DOCK1: variants seen among roughly 807,000 people sequenced by gnomAD.
DOCK1 encodes the protein dedicator of cytokinesis 1, also known as dedicator of cytokinesis protein 1.
In DOCK1, 138 loss-of-function variants were observed where a neutral mutation model predicts 262.7. The observed-to-expected ratio is 0.53, with a 90% CI of 0.46 to 0.61. The LOEUF is 0.61. DOCK1 is among the 20% of genes least tolerant of loss of function. DOCK1 has a pLI of 0.00. For missense variants in DOCK1, 1,908 were observed against 2,370.7 expected, an observed-to-expected ratio of 0.80 and a Z score of 4.05; for synonymous variants, 866 against 867.4, an observed-to-expected ratio of 1.00 and a Z score of 0.03.
chr10:127,043,200 T>G (rs1183371056), intron 21 of DOCK1, 36 bp downstream of exon 21: 2 of 1,467,072 alleles, frequency 1.4e-6, no homozygotes, highest in Non-Finnish European at 1.9e-6. Flanking sequence ...CAATACTTCT[T>G]TTTTTGGTAT....
intron 29 of DOCK1, among the ~76,000 whole-genome samples, chr10:127,274,326 T>C (rs2060669404): frequency 6.6e-6 from 1 of 152,194 alleles, no homozygotes; most frequent in Non-Finnish European, 1.5e-5. Context: ...GAACAAAGGC[T>C]GGGCTTACGG....
chr10:127,042,996 T>C, intron 20 of DOCK1, 68 bp from the exon 21 acceptor site: 1 of 1,264,064 alleles, frequency 7.9e-7, no homozygotes, highest in Non-Finnish European at 1.1e-6. Flanking sequence ...GTGCAGATGG[T>C]TCTGATGAAG....
At chr10:127,432,842 G>A (rs547937599) in intron 47 of DOCK1, among the ~76,000 whole-genome samples, 1 of 152,110 alleles carries the variant, frequency 6.6e-6, no homozygotes, top group South Asian at 2.1e-4. Flanking sequence ...GTCTAGAGGA[G>A]GTCAGTCATT....
intron 1 of DOCK1, among the ~76,000 whole-genome samples, chr10:126,915,132 C>T (rs12414256): frequency 0.33 from 49,934 of 151,876 alleles, 9,668 homozygotes; most frequent in African/African-American, 0.54. Flanking sequence ...GTCTCCTCCA[C>T]GTGTTCCTAT....
chr10:127,046,632 G>A (rs1003815624), intron 21 of DOCK1, among the ~76,000 whole-genome samples: 1 of 151,756 alleles, frequency 6.6e-6, no homozygotes. Context: ...GTGGTGGCAG[G>A]TGCCTGTAAT....
At chr10:127,072,656 C>A (rs1288245427) in intron 23 of DOCK1, among the ~76,000 whole-genome samples, 1 of 152,124 alleles carries the variant, frequency 6.6e-6, no homozygotes, top group Non-Finnish European at 1.5e-5. Context: ...AACTGTGCTG[C>A]CACTTTTGTC....
At chr10:127,150,380 C>CTGTCT (rs1554897140) in intron 27 of DOCK1, among the ~76,000 whole-genome samples, 6 of 151,516 alleles carry the variant, frequency 4.0e-5, no homozygotes, top group Admixed American at 4.0e-4. Context: ...GGGAAGTGAC[C>CTGTCT]CTGTGTATCA....
chr10:127,240,222 C>T (rs1423240790), intron 27 of DOCK1, among the ~76,000 whole-genome samples: 1 of 149,192 alleles, frequency 6.7e-6, no homozygotes. Context: ...TTCCAAATAG[C>T]TAAAAGATGA....
chr10:126,960,675 T>A (rs2037123295), intron 1 of DOCK1, among the ~76,000 whole-genome samples: 4 of 150,584 alleles, frequency 2.7e-5, no homozygotes. Flanking sequence ...CTGGGATGAT[T>A]GGATGATTGC....
chr10:127,388,138 T>A (rs1590833604), intron 38 of DOCK1, among the ~76,000 whole-genome samples: 1 of 152,006 alleles, frequency 6.6e-6, no homozygotes, highest in East Asian at 1.9e-4. Flanking sequence ...TGAATTCAAG[T>A]GATGAAATGG....
chr10:127,420,712 G>A (rs977090994), intron 46 of DOCK1, among the ~76,000 whole-genome samples: 2 of 151,824 alleles, frequency 1.3e-5, no homozygotes, highest in African/African-American at 4.8e-5. Flanking sequence ...GGTGGTGCAC[G>A]CCTATAATCC....
At chr10:127,292,308 G>A (rs968087441) in intron 29 of DOCK1, among the ~76,000 whole-genome samples, 1 of 152,166 alleles carries the variant, frequency 6.6e-6, no homozygotes, top group Non-Finnish European at 1.5e-5. Flanking sequence ...GAAGCTCAGG[G>A]TTCTGCCCTG....
At chr10:127,401,187 C>T (rs547418059) in intron 38 of DOCK1, among the ~76,000 whole-genome samples, 1 of 152,118 alleles carries the variant, frequency 6.6e-6, no homozygotes, top group East Asian at 1.9e-4. Context: ...TCCCAAACTG[C>T]CTTTGAAAAG....
intron 23 of DOCK1, among the ~76,000 whole-genome samples, chr10:127,077,898 G>A (rs2046664447): frequency 6.6e-6 from 1 of 152,054 alleles, no homozygotes; most frequent in Non-Finnish European, 1.5e-5. Context: ...GCATTCCATG[G>A]AGGGGCAGGA....
At chr10:127,405,828 A>G (rs56130525) in intron 40 of DOCK1, among the ~76,000 whole-genome samples, 25,582 of 152,136 alleles carry the variant, frequency 0.17, 2,568 homozygotes, top group East Asian at 0.35. Context: ...ACTGCTGGTC[A>G]GCTTCTCCTC....
intron 29 of DOCK1, among the ~76,000 whole-genome samples, chr10:127,271,101 C>G (rs2060551370): frequency 1.3e-5 from 2 of 151,618 alleles, no homozygotes; most frequent in African/African-American, 4.9e-5. Context: ...CTGTAGATAT[C>G]TTTCTCCACT....
At chr10:127,217,250 G>A (rs562831843) in intron 27 of DOCK1, among the ~76,000 whole-genome samples, 1 of 152,350 alleles carries the variant, frequency 6.6e-6, no homozygotes, top group South Asian at 2.1e-4. Context: ...ATGAAAACAG[G>A]TTTTTTAATT....
At chr10:127,394,370 A>AAAG (rs10680940) in intron 38 of DOCK1, among the ~76,000 whole-genome samples, 2 of 139,740 alleles carry the variant, frequency 1.4e-5, no homozygotes, top group Non-Finnish European at 3.2e-5. Flanking sequence ...AAAAAAAAAA[A>AAAG]GCGTTTTACA....
intron 27 of DOCK1, among the ~76,000 whole-genome samples, chr10:127,134,431 G>T (rs2050523505): frequency 1.3e-5 from 2 of 152,154 alleles, no homozygotes; most frequent in Non-Finnish European, 2.9e-5. Context: ...TTGTTTCCAA[G>T]GTAGCAAGGT....
Sources: allele counts gnomAD v4.1 joint callset (sites outside exome capture counted in the v4.1 genomes callset), GRCh38; gene constraint gnomAD v4.1.1; transcripts MANE v1.5; gene names NCBI Gene and HGNC (gene_info 2026-07-23, HGNC 2026-07-21).